ASAP1: variants seen among roughly 807,000 people sequenced by gnomAD.
ASAP1 encodes the protein ArfGAP with SH3 domain, ankyrin repeat and PH domain 1.
A neutral mutation model predicts 145.2 loss-of-function variants in ASAP1; 43 were observed. That is an observed-to-expected ratio of 0.30 (90% CI 0.23 to 0.38). The LOEUF (loss-of-function observed/expected upper bound fraction) is 0.38, where lower values mean the gene tolerates loss of function less well. Among genes scored for constraint, ASAP1 ranks in the 10% least tolerant of loss-of-function variants. ASAP1 has a pLI of 1.00. For missense variants in ASAP1, 1,018 were observed against 1,355.3 expected (o/e 0.75, Z 3.91); for synonymous variants, 546 against 515.5 (o/e 1.06, Z -0.80).
At chr8:130,417,826 G>A (rs942649548) in intron 1 of ASAP1, among the ~76,000 whole-genome samples, 1 of 152,164 alleles carries the variant, frequency 6.6e-6, no homozygotes, top group Non-Finnish European at 1.5e-5. Flanking sequence ...CTGGCTTTCA[G>A]GCTTACATCC....
chr8:130,106,303 AG>A (rs1170920729), intron 24 of ASAP1, among the ~76,000 whole-genome samples: 1 of 152,228 alleles, frequency 6.6e-6, no homozygotes, highest in African/African-American at 2.4e-5. Flanking sequence ...AAAAAACCGC[AG>A]GAAACTGTAA....
In ASAP1 at chr8:130,225,739, A is replaced by T. The variant is rs574840604; in HGVS notation, c.260-11038T>A. On this transcript the variant is annotated intron_variant, in intron 4 of 29. Transcript: ENST00000518721. The stretch of plus-strand genomic sequence containing the variant: ...GTGGACATTCAAGGCAAGAGGTAGC[A>T]GCATACCATACAGGCACCATAAAGT... Among the ~76,000 whole-genome samples the T allele has an allele frequency of 1.2e-4, 19 of 152,358 alleles. No homozygotes were observed. The South Asian group carries it at 3.9e-3, about 32-fold the overall frequency.
chr8:130,430,434 G>A (rs1830097450), intron 1 of ASAP1, among the ~76,000 whole-genome samples: 1 of 152,176 alleles, frequency 6.6e-6, no homozygotes, highest in Admixed American at 6.5e-5. Context: ...TGGCAAGTTG[G>A]GTGACTTGTC....
intron 3 of ASAP1, among the ~76,000 whole-genome samples, chr8:130,270,769 C>T (rs1820538160): frequency 1.3e-5 from 2 of 152,188 alleles, no homozygotes; most frequent in South Asian, 4.1e-4. Context: ...AAAAACAGTC[C>T]TTAGAAAAGA....
intron 3 of ASAP1, among the ~76,000 whole-genome samples, chr8:130,325,486 G>A (rs1235728356): frequency 1.3e-5 from 2 of 152,186 alleles, no homozygotes. Context: ...TATAAGCAAA[G>A]TAAGAGACAT....
chr8:130,213,096 C>T (rs752089663), intron 5 of ASAP1, among the ~76,000 whole-genome samples: 2 of 152,070 alleles, frequency 1.3e-5, no homozygotes, highest in African/African-American at 2.4e-5. Flanking sequence ...GAAGGAAAAC[C>T]GAGGGTGCTC....
intron 3 of ASAP1, among the ~76,000 whole-genome samples, chr8:130,353,724 G>C (rs1051094965): frequency 6.6e-6 from 1 of 152,124 alleles, no homozygotes; most frequent in African/African-American, 2.4e-5. Context: ...ACAAAAATTA[G>C]CCAGGCATGG....
At chr8:130,246,839 TC>T (rs1200947996) in intron 3 of ASAP1, 1 of 152,230 alleles carries the variant, frequency 6.6e-6, no homozygotes, top group African/African-American at 2.4e-5. Context: ...ATGCTCATTC[TC>T]TGCACCTAAT....
chr8:130,264,970 T>C (rs1469833749), intron 3 of ASAP1, among the ~76,000 whole-genome samples: 2 of 150,346 alleles, frequency 1.3e-5, no homozygotes, highest in Admixed American at 1.3e-4. Flanking sequence ...ACAGGCAAAG[T>C]ATGGGAGGAG....
intron 3 of ASAP1, among the ~76,000 whole-genome samples, chr8:130,279,937 T>C (rs973032019): frequency 2.0e-5 from 3 of 152,246 alleles, no homozygotes; most frequent in African/African-American, 7.2e-5. Flanking sequence ...AACTAACTTT[T>C]ATAAACATCA....
chr8:130,123,942 A>T, intron 18 of ASAP1, 71 bp downstream of exon 18: 1 of 1,193,128 alleles, frequency 8.4e-7, no homozygotes, highest in Non-Finnish European at 1.2e-6. Flanking sequence ...AAAAAAAAAG[A>T]AGTTTTTTGG....
At chr8:130,237,968 A>C (rs897730131) in intron 3 of ASAP1, among the ~76,000 whole-genome samples, 1 of 152,128 alleles carries the variant, frequency 6.6e-6, no homozygotes, top group African/African-American at 2.4e-5. Context: ...ATAAATAAAA[A>C]TTTAAAACAT....
chr8:130,344,742 AAAACAAAC>A (rs760226346), intron 3 of ASAP1, among the ~76,000 whole-genome samples: 6 of 152,180 alleles, frequency 3.9e-5, no homozygotes, highest in African/African-American at 1.2e-4. Flanking sequence ...GTCTCTTAAA[AAAACAAAC>A]AAACAAACAA....
At chr8:130,399,293 G>C (rs1027403496) in intron 2 of ASAP1, among the ~76,000 whole-genome samples, 4 of 152,188 alleles carry the variant, frequency 2.6e-5, no homozygotes, top group Non-Finnish European at 5.9e-5. Context: ...TTAGGTAAGA[G>C]AGACACTTCT....
At chr8:130,153,523 C>T (rs937335787) in intron 12 of ASAP1, among the ~76,000 whole-genome samples, 2 of 151,442 alleles carry the variant, frequency 1.3e-5, no homozygotes, top group African/African-American at 4.9e-5. Context: ...GCACACCCCA[C>T]CATGCCTGGC....
intron 18 of ASAP1, among the ~76,000 whole-genome samples, chr8:130,119,465 T>G (rs958814978): frequency 6.6e-6 from 1 of 152,210 alleles, no homozygotes; most frequent in African/African-American, 2.4e-5. Context: ...TTTACTTCCG[T>G]TCAAGTGTTT....
At chr8:130,147,723 G>T (rs193151825) in intron 13 of ASAP1, among the ~76,000 whole-genome samples, 1 of 152,154 alleles carries the variant, frequency 6.6e-6, no homozygotes, top group Admixed American at 6.5e-5. Flanking sequence ...GACTCAAAAG[G>T]ATGTGGTCTG....
chr8:130,252,654 T>C (rs1049236859), intron 3 of ASAP1, among the ~76,000 whole-genome samples: 1 of 152,190 alleles, frequency 6.6e-6, no homozygotes, highest in Non-Finnish European at 1.5e-5. Flanking sequence ...AGCAATTACC[T>C]TGTGAACCTC....
At chr8:130,090,115 G>T (rs1258519527) in intron 25 of ASAP1, among the ~76,000 whole-genome samples, 2 of 152,106 alleles carry the variant, frequency 1.3e-5, no homozygotes, top group African/African-American at 2.4e-5. Flanking sequence ...ACAATGGGGG[G>T]AAAAACGGCC....
Sources: allele counts gnomAD v4.1 joint callset (sites outside exome capture counted in the v4.1 genomes callset), GRCh38; gene constraint gnomAD v4.1.1; transcripts MANE v1.5; gene names NCBI Gene and HGNC (gene_info 2026-07-23, HGNC 2026-07-21).